The following LHPP variants were observed in gnomAD, a reference collection of about 807,000 sequenced individuals.
LHPP encodes hLHPP.
Under a neutral mutation model 30.3 loss-of-function variants are expected in LHPP, and 24 were observed. The ratio of observed to expected loss-of-function variants is 0.79; its 90% CI spans 0.57 to 1.11. The LOEUF is 1.11. LHPP is among the 50% of genes most tolerant of loss of function. The probability of loss-of-function intolerance (pLI) is 0.00; values close to 1 mark genes in which losing one functional copy is unlikely to be tolerated. For synonymous variants in LHPP, 150 were observed against 157.1 expected (o/e 0.95, Z 0.34); for missense variants, 356 against 367.2 (o/e 0.97, Z 0.25).
intron 6 of LHPP, among the ~76,000 whole-genome samples, chr10:124,554,722 T>C (rs1325658847): frequency 1.3e-5 from 2 of 152,228 alleles, no homozygotes; most frequent in African/African-American, 2.4e-5. Context: ...GGTGGGCTGT[T>C]AGCTTGGCGG....
intron 6 of LHPP, among the ~76,000 whole-genome samples, chr10:124,529,533 A>C (rs1363898837): frequency 6.6e-6 from 1 of 152,116 alleles, no homozygotes; most frequent in African/African-American, 2.4e-5. Flanking sequence ...CGACTGTGGC[A>C]TCCCCCATGT....
Position 124,473,977 on chromosome 10 carries a change from G to A in LHPP, c.126-10162G>A, listed in dbSNP as rs552399317. Among the ~76,000 whole-genome samples, 19 of 151,722 alleles carry A rather than the reference G, an allele frequency of 1.3e-4. No individual in the cohort carries two copies. The South Asian group carries it at 4.0e-3, about 32-fold the overall frequency. ...AAAGCAAAAACAAACAAAAGCCAAC[G>A]TTTTCCTTTTTTTTTAAGTTTTTGT... On this transcript the variant is annotated intron_variant, in intron 1 of 6. Coordinates refer to ENST00000368842, the MANE Select transcript of LHPP (RefSeq NM_022126.4).
At chr10:124,467,604 ACCT>A (rs1338571613) in intron 1 of LHPP, among the ~76,000 whole-genome samples, 8 of 143,122 alleles carry the variant, frequency 5.6e-5, no homozygotes, top group African/African-American at 1.6e-4. Context: ...TGCAGCCTTG[ACCT>A]CCTCCTAGGC....
intron 5 of LHPP, among the ~76,000 whole-genome samples, chr10:124,516,407 C>A (rs1954455658): frequency 6.6e-6 from 1 of 152,202 alleles, no homozygotes; most frequent in South Asian, 2.1e-4. Flanking sequence ...TACAGTCACG[C>A]TGCGGGCTAG....
At chr10:124,589,181 C>T (rs1227353803) in intron 6 of LHPP, among the ~76,000 whole-genome samples, 3 of 152,258 alleles carry the variant, frequency 2.0e-5, no homozygotes, top group Non-Finnish European at 4.4e-5. Context: ...ACAGTCCGTG[C>T]AGAAATGTCA....
At chr10:124,484,387 G>T (rs750848486) in intron 2 of LHPP, 61 bp downstream of exon 2, 9 of 1,498,080 alleles carry the variant, frequency 6.0e-6, no homozygotes, top group African/African-American at 1.4e-5. Context: ...CAGGGTGGGG[G>T]CTGTGCAGAG....
intron 5 of LHPP, among the ~76,000 whole-genome samples, chr10:124,512,342 C>T (rs556222975): frequency 7.2e-5 from 11 of 152,220 alleles, no homozygotes; most frequent in African/African-American, 2.2e-4. Context: ...TTAGGCCGGG[C>T]GCGGTGGCTC....
chr10:124,529,659 A>G (rs955187219), intron 6 of LHPP, among the ~76,000 whole-genome samples: 1 of 152,152 alleles, frequency 6.6e-6, no homozygotes, highest in Non-Finnish European at 1.5e-5. Flanking sequence ...ATCCTGGGCC[A>G]CAGCCATCCG....
intron 5 of LHPP, among the ~76,000 whole-genome samples, chr10:124,511,433 A>G (rs1954292295): frequency 6.6e-6 from 1 of 152,224 alleles, no homozygotes; most frequent in Non-Finnish European, 1.5e-5. Flanking sequence ...AAATCCGTGG[A>G]AAGTATGAAG....
At chr10:124,534,982 G>A (rs553997277) in intron 6 of LHPP, among the ~76,000 whole-genome samples, 5 of 152,326 alleles carry the variant, frequency 3.3e-5, no homozygotes, top group South Asian at 2.1e-4. Context: ...GGTCCTCGGC[G>A]CCTATTGTTA....
At position 124,598,784 on chromosome 10, in the gene LHPP, T is replaced by C. The variant is rs966155129; in HGVS notation, c.717-14480T>C. 3.2e-4 allele frequency among the ~76,000 whole-genome samples: 48 copies of C among 150,834 alleles called. 1 individual carries two copies. The highest frequency in any genetic ancestry group is 1.2e-3 in the African/African-American group (48 of 41,056). On this transcript the variant is annotated intron_variant, in intron 6 of 6. Transcript: ENST00000368842. ...ATCCCTGCCCATTCATCCACCCTGA[T>C]GCAGCGCCTGCTACCCACCCTTCTC...
intron 6 of LHPP, among the ~76,000 whole-genome samples, chr10:124,599,963 G>A (rs1238396486): frequency 6.6e-6 from 1 of 152,234 alleles, no homozygotes; most frequent in African/African-American, 2.4e-5. Flanking sequence ...AGGTCCTGAA[G>A]ACCACAGGGC....
chr10:124,585,193 C>G (rs980712553), intron 6 of LHPP, among the ~76,000 whole-genome samples: 1 of 152,142 alleles, frequency 6.6e-6, no homozygotes, highest in Non-Finnish European at 1.5e-5. Context: ...ATAATACAAA[C>G]AATATAAGCT....
chr10:124,521,160 T>C (rs1476893539), intron 6 of LHPP, among the ~76,000 whole-genome samples: 1 of 152,164 alleles, frequency 6.6e-6, no homozygotes, highest in Non-Finnish European at 1.5e-5. Context: ...CCTCGCTCTC[T>C]GGAGGGCTGT....
chr10:124,574,696 G>A (rs55762237), intron 6 of LHPP, among the ~76,000 whole-genome samples: 34,464 of 152,144 alleles, frequency 0.23, 4,209 homozygotes, highest in East Asian at 0.37. Context: ...AGGGCCAGAG[G>A]GGGGATTTGT....
At chr10:124,589,481 G>A (rs1045585743) in intron 6 of LHPP, among the ~76,000 whole-genome samples, 7 of 152,326 alleles carry the variant, frequency 4.6e-5, no homozygotes, top group Middle Eastern at 6.8e-3. Context: ...TCACAATCTC[G>A]CAGACCCACG....
chr10:124,569,686 C>G (rs1019299978), intron 6 of LHPP, among the ~76,000 whole-genome samples: 2 of 152,138 alleles, frequency 1.3e-5, no homozygotes, highest in African/African-American at 4.8e-5. Context: ...AGATGGTCAC[C>G]TGCCACCTCC....
At chr10:124,498,206 G>A in intron 5 of LHPP, 78 bp downstream of exon 5, 1 of 1,360,142 alleles carries the variant, frequency 7.4e-7, no homozygotes, top group South Asian at 1.2e-5. Context: ...TGGATTACAG[G>A]ACTCAGGCAG....
In LHPP at chr10:124,564,314, A is replaced by G. The variant is rs189050570; in HGVS notation, c.716+47043A>G. Among the ~76,000 whole-genome samples the G allele has an allele frequency of 3.2e-3, 490 of 152,164 alleles. 2 individuals carry two copies. The highest frequency in any genetic ancestry group is 5.0e-3 in the Non-Finnish European group (338 of 67,990). ...AATTTTTTGTATTTTTAGTAGAGAC[A>G]GGGTTTCACCATGTTACCCAAGATG... On this transcript the variant is annotated intron_variant, in intron 6 of 6. Transcript: ENST00000368842.
Sources: gnomAD v4.1 joint callset for allele counts (sites outside exome capture counted in the v4.1 genomes callset) on GRCh38, gnomAD v4.1.1 for gene constraint, MANE v1.5 for transcripts, NCBI Gene and HGNC (gene_info 2026-07-23, HGNC 2026-07-21) for gene names.